PLA2G10: variants seen among roughly 807,000 people sequenced by gnomAD.
PLA2G10 encodes the protein phospholipase A2 group X.
PLA2G10 carries 9 observed loss-of-function variants against 7.9 expected under a neutral mutation model. That is an observed-to-expected ratio of 1.14 (90% CI 0.68 to 1.98). The LOEUF is 1.98. Among genes scored for constraint, PLA2G10 ranks in the 30% most tolerant of loss-of-function variants. The probability of loss-of-function intolerance (pLI) is 0.00; values close to 1 mark genes in which losing one functional copy is unlikely to be tolerated. For missense variants in PLA2G10, 53 were observed against 65.4 expected, an observed-to-expected ratio of 0.81 and a Z score of 0.66; for synonymous variants, 19 against 27.5, an observed-to-expected ratio of 0.69 and a Z score of 0.97.
chr16:14,678,912 TG>T (rs1191611820), intron 3 of PLA2G10, among the ~76,000 whole-genome samples: 2 of 152,116 alleles, frequency 1.3e-5, no homozygotes, highest in African/African-American at 2.4e-5. Context: ...TCTGTCACTC[TG>T]GGGGACTCTG....
intron 3 of PLA2G10, among the ~76,000 whole-genome samples, chr16:14,683,034 A>C (rs2151852645): frequency 6.6e-6 from 1 of 152,194 alleles, no homozygotes; most frequent in Admixed American, 6.5e-5. Context: ...GTGCCACTGC[A>C]CTTCAGCCTG....
At chr16:14,672,792 G>A in intron 3 of PLA2G10, 43 bp from the exon 4 acceptor site, 1 of 1,601,800 alleles carries the variant, frequency 6.2e-7, no homozygotes, top group South Asian at 1.1e-5. Context: ...GGGACCTGGA[G>A]AGACTCAAGG....
At chr16:14,675,830 T>C (rs975853693) in intron 3 of PLA2G10, among the ~76,000 whole-genome samples, 7 of 151,358 alleles carry the variant, frequency 4.6e-5, no homozygotes, top group East Asian at 1.9e-4. Flanking sequence ...TCCCAGCTAC[T>C]TGGGAGGCTG....
In PLA2G10 at chr16:14,675,543, G is replaced by T. The variant is rs13335845; in HGVS notation, c.356-2794C>A. 7.3e-3 allele frequency among the ~76,000 whole-genome samples: 1,105 copies of T among 152,214 alleles called. 18 individuals are homozygous for T. The highest frequency in any genetic ancestry group is 0.025 in the African/African-American group (1,047 of 41,558). ...CATCAGAGTAAACAGACAACCCACA[G>T]AATGGGAGAAAATATTTGCAAACTA... On this transcript the variant is annotated intron_variant, in intron 3 of 3. Transcript: ENST00000438167.
At chr16:14,680,497 C>T (rs1960860897) in intron 3 of PLA2G10, among the ~76,000 whole-genome samples, 1 of 152,002 alleles carries the variant, frequency 6.6e-6, no homozygotes, top group African/African-American at 2.4e-5. Flanking sequence ...CTCAAGTGAT[C>T]CTCCCACCTC....
At chr16:14,674,687 G>C (rs552483194) in intron 3 of PLA2G10, among the ~76,000 whole-genome samples, 3 of 151,070 alleles carry the variant, frequency 2.0e-5, no homozygotes, top group Admixed American at 2.0e-4. Flanking sequence ...GGGTGACAGA[G>C]AGACTCCATC....
At chr16:14,687,454 C>A (rs1238682201) in intron 3 of PLA2G10, among the ~76,000 whole-genome samples, 1 of 151,698 alleles carries the variant, frequency 6.6e-6, no homozygotes, top group African/African-American at 2.4e-5. Context: ...CTCAGCCTCC[C>A]AAGTAGCTGG....
chr16:14,675,903 C>T (rs908723418), intron 3 of PLA2G10, among the ~76,000 whole-genome samples: 9 of 143,682 alleles, frequency 6.3e-5, no homozygotes, highest in African/African-American at 1.3e-4. Context: ...TATGTCACTG[C>T]GCTCCAGCCT....
rs571421560 is a variant in PLA2G10 at position 14,679,592 on chromosome 16, G to A, written c.356-6843C>T. 6.0e-5 allele frequency among the ~76,000 whole-genome samples: 9 copies of A among 150,210 alleles called. No homozygotes were observed. The South Asian group carries it at 6.3e-4, about 11-fold the overall frequency. ...GGAGAATCACTTGAACTCGGGAGAC[G>A]GAGGTTGCAGTGAGCCGAGATCATG... On this transcript the variant is annotated intron_variant, in intron 3 of 3. Coordinates refer to ENST00000438167, the MANE Select transcript of PLA2G10 (RefSeq NM_003561.3).
chr16:14,686,207 T>C (rs1175049687), intron 3 of PLA2G10, among the ~76,000 whole-genome samples: 2 of 152,096 alleles, frequency 1.3e-5, no homozygotes, highest in African/African-American at 4.8e-5. Flanking sequence ...TTGCCCAGGC[T>C]GGTCTTGAAT....
chr16:14,678,767 C>G (rs1302192983), intron 3 of PLA2G10: 1 of 312,282 alleles, frequency 3.2e-6, no homozygotes, highest in Non-Finnish European at 6.3e-6. Context: ...AAGACTGTCT[C>G]AAAAAAAAAA....
chr16:14,678,207 C>G (rs1009167564), intron 3 of PLA2G10, among the ~76,000 whole-genome samples: 2 of 152,092 alleles, frequency 1.3e-5, no homozygotes. Context: ...TGTCCAAGGA[C>G]AGAAGAGTGG....
chr16:14,673,180 G>A (rs1255773442), intron 3 of PLA2G10, among the ~76,000 whole-genome samples: 1 of 150,750 alleles, frequency 6.6e-6, no homozygotes, highest in Admixed American at 6.6e-5. Flanking sequence ...CCACCACACC[G>A]AGCTAATTTT....
chr16:14,677,028 G>A lies in PLA2G10; in HGVS notation c.356-4279C>T, dbSNP rs557926563. Among the ~76,000 whole-genome samples, 22 of 152,050 alleles carry A rather than the reference G, an allele frequency of 1.4e-4. No individual in the cohort carries two copies. The South Asian group carries it at 3.3e-3, about 23-fold the overall frequency. On this transcript the variant is annotated intron_variant, in intron 3 of 3. Coordinates refer to ENST00000438167, the MANE Select transcript of PLA2G10 (RefSeq NM_003561.3). ...TACAATGTAGACTACTTGGGTGATGGGTGCACTAAAAGCTCAGATTTCACC... is the reference window on the plus strand; with the variant it reads ...TACAATGTAGACTACTTGGGTGATGAGTGCACTAAAAGCTCAGATTTCACC...
chr16:14,685,386 A>G (rs2151854327), intron 3 of PLA2G10, among the ~76,000 whole-genome samples: 1 of 151,776 alleles, frequency 6.6e-6, no homozygotes, highest in South Asian at 2.1e-4. Flanking sequence ...AAAAAAAAAA[A>G]GAAAGAAAAT....
chr16:14,679,658 C>T (rs2151851000), intron 3 of PLA2G10, among the ~76,000 whole-genome samples: 1 of 140,548 alleles, frequency 7.1e-6, no homozygotes, highest in East Asian at 2.0e-4. Flanking sequence ...AAGACTCCAC[C>T]TCAAAAAAAA....
intron 3 of PLA2G10, among the ~76,000 whole-genome samples, chr16:14,680,034 A>T (rs527238431): frequency 6.6e-6 from 1 of 151,854 alleles, no homozygotes; most frequent in Non-Finnish European, 1.5e-5. Context: ...AAGCCTATAT[A>T]CATGACCTCT....
intron 3 of PLA2G10, among the ~76,000 whole-genome samples, chr16:14,683,590 A>G (rs1440690606): frequency 1.3e-5 from 2 of 152,214 alleles, no homozygotes; most frequent in Non-Finnish European, 2.9e-5. Context: ...CTCTTCAACC[A>G]AGAGGGCTGA....
chr16:14,693,374 G>C (rs1374402911), intron 1 of PLA2G10, among the ~76,000 whole-genome samples: 1 of 26,874 alleles, frequency 3.7e-5, no homozygotes, highest in African/African-American at 1.3e-4. Context: ...GAATTGTCCT[G>C]AGTGCTGTCT....
Sources: allele counts gnomAD v4.1 joint callset (sites outside exome capture counted in the v4.1 genomes callset), GRCh38; gene constraint gnomAD v4.1.1; transcripts MANE v1.5; gene names NCBI Gene and HGNC (gene_info 2026-07-23, HGNC 2026-07-21).